TIAM2: variants seen among roughly 807,000 people sequenced by gnomAD.
TIAM2 encodes the protein rho guanine nucleotide exchange factor TIAM2.
A neutral mutation model predicts 152.9 loss-of-function variants in TIAM2; 80 were observed. The ratio of observed to expected loss-of-function variants is 0.52; its 90% CI spans 0.44 to 0.63. The LOEUF (loss-of-function observed/expected upper bound fraction) is 0.63. Ranked by LOEUF, TIAM2 falls within the 30% of genes least tolerant of loss-of-function variation. The pLI, the probability that TIAM2 is intolerant of heterozygous loss-of-function variation, is 0.00. For missense variants in TIAM2, 1,965 were observed against 2,120.1 expected (o/e 0.93, Z 1.44); for synonymous variants, 804 against 838.0 (o/e 0.96, Z 0.70).
chr6:155,138,136 C>T (rs1297061442), intron 5 of TIAM2, among the ~76,000 whole-genome samples: 3 of 152,112 alleles, frequency 2.0e-5, no homozygotes, highest in Non-Finnish European at 4.4e-5. Flanking sequence ...CCACTGCACC[C>T]GGCCTATTAT....
At chr6:155,180,220 A>C (rs1247298604) in intron 12 of TIAM2, among the ~76,000 whole-genome samples, 1 of 152,234 alleles carries the variant, frequency 6.6e-6, no homozygotes, top group East Asian at 1.9e-4. Context: ...CAGAGGTTGC[A>C]GTGAGCCGTA....
chr6:155,211,096 T>G (rs1781706744), intron 14 of TIAM2, 108 bp from the exon 15 acceptor site: 1 of 879,758 alleles, frequency 1.1e-6, no homozygotes, highest in African/African-American at 1.7e-5. Flanking sequence ...CTGTACTGCC[T>G]CCTAGGTTGT....
At chr6:155,206,682 G>A (rs1320323683) in intron 14 of TIAM2, among the ~76,000 whole-genome samples, 1 of 152,178 alleles carries the variant, frequency 6.6e-6, no homozygotes, top group African/African-American at 2.4e-5. Context: ...AAATTGAGGG[G>A]ACCAGACTGT....
intron 5 of TIAM2, among the ~76,000 whole-genome samples, chr6:155,141,035 C>T (rs575108788): frequency 1.3e-5 from 2 of 152,288 alleles, no homozygotes; most frequent in South Asian, 2.1e-4. Flanking sequence ...GAACTTCTGG[C>T]TACCAACTTC....
intron 5 of TIAM2, 58 bp from the exon 6 acceptor site, chr6:155,144,548 G>T: frequency 7.0e-7 from 1 of 1,434,826 alleles, no homozygotes; most frequent in Non-Finnish European, 9.1e-7. Flanking sequence ...TACCCTCCCA[G>T]TCCTTTCCTG....
At chr6:155,128,669 G>A (rs1304869392) in intron 3 of TIAM2, among the ~76,000 whole-genome samples, 2 of 150,710 alleles carry the variant, frequency 1.3e-5, no homozygotes, top group Non-Finnish European at 2.9e-5. Flanking sequence ...AGACCAGCCT[G>A]GAGCAACAGA....
rs564796105 is a variant in TIAM2, at chr6:155,090,398, T to C, written c.-118+19T>C. The C allele has an allele frequency of 2.6e-5, 4 of 152,358 alleles. 1 individual carries two copies. The East Asian group carries it at 7.7e-4, about 29-fold the overall frequency. 9.4% of individuals were successfully genotyped at this position (152,358 alleles called of 1,614,324 possible). On this transcript the variant is annotated intron_variant, in intron 2 of 26. Transcript: ENST00000682666. Reference sequence around the variant, plus strand: ...TCTGTGGGTAAGTTTGAGGCACTTGTATATCTCAAAGGCTTTAAAAGTATA... The same window carrying C: ...TCTGTGGGTAAGTTTGAGGCACTTGCATATCTCAAAGGCTTTAAAAGTATA...
At chr6:155,073,859 A>T (rs111398875) in intron 1 of TIAM2, among the ~76,000 whole-genome samples, 2,130 of 152,306 alleles carry the variant, frequency 0.014, 27 homozygotes, top group Non-Finnish European at 0.022. Flanking sequence ...CAAAATACTC[A>T]TTAGGACCTT....
intron 20 of TIAM2, 21 bp downstream of exon 20, chr6:155,248,200 C>T (rs1783446737): frequency 6.2e-7 from 1 of 1,608,410 alleles, no homozygotes; most frequent in South Asian, 1.1e-5. Context: ...GGCGGCACCT[C>T]CGGGCGAGGG....
intron 15 of TIAM2, among the ~76,000 whole-genome samples, chr6:155,228,692 T>A (rs1027425680): frequency 6.6e-6 from 1 of 152,082 alleles, no homozygotes; most frequent in Admixed American, 6.5e-5. Context: ...CCCTTGAAAC[T>A]TCCTTGGCAG....
intron 1 of TIAM2, among the ~76,000 whole-genome samples, chr6:155,064,591 C>T (rs1299906592): frequency 6.6e-6 from 1 of 152,168 alleles, no homozygotes; most frequent in African/African-American, 2.4e-5. Flanking sequence ...GTGGCAGAGA[C>T]TTGGTTTCTC....
intron 15 of TIAM2, among the ~76,000 whole-genome samples, chr6:155,211,890 A>C (rs1781731886): frequency 1.3e-5 from 2 of 151,548 alleles, no homozygotes; most frequent in African/African-American, 4.9e-5. Context: ...CCTGCTTTCA[A>C]CTCCCTCATA....
At chr6:155,101,315 A>G (rs1393336777) in intron 2 of TIAM2, among the ~76,000 whole-genome samples, 3 of 152,170 alleles carry the variant, frequency 2.0e-5, no homozygotes, top group Non-Finnish European at 2.9e-5. Context: ...GTGTTCCTTC[A>G]GCCTACGTTA....
intron 1 of TIAM2, among the ~76,000 whole-genome samples, chr6:155,001,777 A>G (rs1778315818): frequency 6.6e-6 from 1 of 152,244 alleles, no homozygotes; most frequent in Non-Finnish European, 1.5e-5. Context: ...TTTTGGACAT[A>G]GTTCTTCATG....
In TIAM2 at chr6:155,164,415, A is replaced by C; in HGVS notation, c.2029A>C (p.Ile677Leu). 4 of 1,572,018 alleles carry C rather than the reference A, an allele frequency of 2.5e-6. No individual in the cohort carries two copies. The highest frequency in any genetic ancestry group is 3.5e-6 in the Non-Finnish European group (4 of 1,151,302). Residue 677 changes from isoleucine (I) to leucine (L), a missense_variant and splice_region_variant, in exon 8 of 27, where the codon ATC becomes CTC. Physicochemically the swap from Ile to Leu is conservative, Grantham distance 5. Around this residue, in one of 3 missense-constraint regions of TIAM2, gnomAD observed 1,025 missense variants for 1,119.4 expected, o/e 0.92. Coordinates refer to ENST00000682666, the MANE Select transcript of TIAM2 (RefSeq NM_012454.4). ...PKNRKAIENQ[I>L]QQWEQNLEKF... is the part of the protein sequence containing the mutation. ...AAATCACCTCTGTTTTTGCTTTAAG[A>C]TCCAGCAATGGGAGCAGAATCTTGA...
chr6:155,106,049 G>C (rs1778680754), intron 2 of TIAM2, among the ~76,000 whole-genome samples: 1 of 145,666 alleles, frequency 6.9e-6, no homozygotes, highest in East Asian at 2.0e-4. Flanking sequence ...ATGTATCCCA[G>C]GCTGGAGTGC....
At chr6:155,104,623 G>A (rs1444733086) in intron 2 of TIAM2, among the ~76,000 whole-genome samples, 1 of 152,068 alleles carries the variant, frequency 6.6e-6, no homozygotes, top group Non-Finnish European at 1.5e-5. Flanking sequence ...TGGGCGTGGT[G>A]GCGGGCGCTT....
Position 155,183,488 on chromosome 6 carries a change from A to C in TIAM2, c.3052A>C (p.Asn1018His). Residue 1018 changes from asparagine (N) to histidine (H), a missense_variant, in exon 14 of 27, where the codon AAT becomes CAT. By Grantham distance (68) the Asn-to-His change is moderately conservative. Coordinates refer to ENST00000682666, the MANE Select transcript of TIAM2 (RefSeq NM_012454.4). ...GGAATTCCTGGATAACTTTAAAAAG[A>C]ATACAGCCAATGGTAAGGCTTTGTT... ...LEEFLDNFKK[N>H]TANDFSNVPD... is the part of the protein sequence containing the mutation. The C allele has an allele frequency of 6.2e-7, 1 of 1,612,710 alleles. No homozygotes were observed. The highest frequency in any genetic ancestry group is 8.5e-7 in the Non-Finnish European group (1 of 1,179,542).
intron 13 of TIAM2, 106 bp downstream of exon 13, chr6:155,182,424 C>T: frequency 2.9e-6 from 3 of 1,024,122 alleles, no homozygotes; most frequent in South Asian, 2.9e-5. Context: ...AAAGGTTGCT[C>T]CTGGAATTTT....
Sources: allele counts gnomAD v4.1 joint callset (sites outside exome capture counted in the v4.1 genomes callset), GRCh38; gene constraint gnomAD v4.1.1; regional missense constraint gnomAD v4.1.1; transcripts MANE v1.5; gene names NCBI Gene and HGNC (gene_info 2026-07-23, HGNC 2026-07-21).